SUN1: variants seen among roughly 807,000 people sequenced by gnomAD.
SUN1 encodes Sad1 and UNC84 domain containing 1.
SUN1 carries 61 observed loss-of-function variants against 103.2 expected under a neutral mutation model. That is an observed-to-expected ratio of 0.59 (90% CI 0.48 to 0.73). SUN1 has a LOEUF of 0.73. SUN1 is among the 30% of genes least tolerant of loss of function. The probability of loss-of-function intolerance (pLI) is 0.00; values close to 1 mark genes in which losing one functional copy is unlikely to be tolerated. For synonymous variants in SUN1, 490 were observed against 425.7 expected, an observed-to-expected ratio of 1.15 and a Z score of -1.86; for missense variants, 1,052 against 1,034.6, an observed-to-expected ratio of 1.02 and a Z score of -0.23.
chr7:837,108 G>A (rs557683470), intron 1 of SUN1, among the ~76,000 whole-genome samples: 1 of 152,366 alleles, frequency 6.6e-6, no homozygotes, highest in South Asian at 2.1e-4. Flanking sequence ...GTCCTGGCAG[G>A]GAGAGTGCCA....
At chr7:860,038 A>T in intron 13 of SUN1, 90 bp from the exon 14 acceptor site, 1 of 1,482,048 alleles carries the variant, frequency 6.7e-7, no homozygotes, top group South Asian at 1.3e-5. Context: ...AGGATATATA[A>T]TTCTTCTGAG....
Position 856,206 on chromosome 7 carries a change from T to C in SUN1, c.1351-152T>C. ...ATGAAGGTTACTTTGAAATGTTCAA[T>C]GAACACTTCCTACCTGCCACCCACA... is the stretch of plus-strand genomic sequence containing the variant. On this transcript the variant is annotated intron_variant, in intron 11 of 18. Transcript: ENST00000401592. The C allele has an allele frequency of 4.2e-6, 3 of 722,122 alleles. No individual in the cohort carries two copies. The East Asian group carries it at 8.2e-5, about 20-fold the overall frequency. The allele number at this position is 722,122 out of a possible 1,614,324, so 44.7% of individuals were successfully genotyped here. A position where few individuals can be genotyped will look rare whatever the true frequency, so the allele number is the denominator to read the frequency against.
intron 13 of SUN1, among the ~76,000 whole-genome samples, chr7:859,265 C>CACGAGG (rs71925786): frequency 0.023 from 3,560 of 152,242 alleles, 174 homozygotes; most frequent in East Asian, 0.19. Flanking sequence ...TCTGCAGGCC[C>CACGAGG]ACGAGGACGA....
At chr7:849,468 A>G in intron 5 of SUN1, 2 of 1,296,608 alleles carry the variant, frequency 1.5e-6, no homozygotes, top group Non-Finnish European at 2.1e-6. Context: ...TGCGAGAAGC[A>G]CTTGAGCTTG....
intron 16 of SUN1, among the ~76,000 whole-genome samples, chr7:867,974 C>G (rs1404783590): frequency 1.3e-5 from 2 of 152,228 alleles, no homozygotes. Flanking sequence ...CACCCAGCAC[C>G]CTGAGCTGGC....
chr7:850,775 A>AAAC (rs1562689066), intron 5 of SUN1: 1 of 148,518 alleles, frequency 6.7e-6, no homozygotes, highest in African/African-American at 2.5e-5. Flanking sequence ...ATTAAAAAAA[A>AAAC]AAAAAAACAA....
At chr7:849,138 A>C (rs977260759) in intron 5 of SUN1, among the ~76,000 whole-genome samples, 39 of 152,306 alleles carry the variant, frequency 2.6e-4, no homozygotes, top group African/African-American at 8.9e-4. Context: ...TTTTTACTAA[A>C]GTAGACATGG....
intron 1 of SUN1, among the ~76,000 whole-genome samples, chr7:836,461 G>C (rs1363299266): frequency 6.6e-6 from 1 of 152,232 alleles, no homozygotes; most frequent in Non-Finnish European, 1.5e-5. Flanking sequence ...GCAGCCGATG[G>C]TGTAAGTTCC....
rs750036207 is a variant in SUN1, at chr7:850,005, G to T, written c.659-1379G>T. The T allele has an allele frequency of 3.8e-6, 6 of 1,599,166 alleles. No homozygotes were observed. The Admixed American group carries it at 8.5e-5, about 23-fold the overall frequency. Reference sequence around the variant, plus strand: ...CGCCACGGCTGCCCGGTCGGGCAGGGACCCTCTGGCACATCTGGGCATGTG... The same window carrying T: ...CGCCACGGCTGCCCGGTCGGGCAGGTACCCTCTGGCACATCTGGGCATGTG... On this transcript the variant is annotated intron_variant, in intron 5 of 18. Transcript: ENST00000401592.
Position 872,701 on chromosome 7 carries a change from C to T in SUN1, c.2241+139C>T. The stretch of plus-strand genomic sequence containing the variant: ...AAATGTTAACCTGCGCTTCCTGGCT[C>T]TGCGTTAATGAGCCTTTCCATGGCT... On this transcript the variant is annotated intron_variant, in intron 18 of 18. Transcript: ENST00000401592. 4.5e-6 allele frequency: 3 copies of T among 672,144 alleles called. No individual in the cohort carries two copies. The East Asian group carries it at 8.1e-5, about 18-fold the overall frequency. 41.6% of individuals were successfully genotyped at this position (672,144 alleles called of 1,614,324 possible).
At chr7:867,475 A>G in intron 16 of SUN1, among the ~76,000 whole-genome samples, 1 of 152,164 alleles carries the variant, frequency 6.6e-6, no homozygotes, top group East Asian at 1.9e-4. Context: ...CTCCCAGAGG[A>G]GCTCACTGGC....
chr7:826,567 T>C (rs1292120767), intron 1 of SUN1, among the ~76,000 whole-genome samples: 1 of 152,194 alleles, frequency 6.6e-6, no homozygotes, highest in East Asian at 1.9e-4. Flanking sequence ...GAGGGGCCTG[T>C]GTGTCCCCCC....
At chr7:848,714 C>A in intron 5 of SUN1, 3 of 768,142 alleles carry the variant, frequency 3.9e-6, no homozygotes, top group Non-Finnish European at 1.8e-6. Context: ...TCGCTGCCTC[C>A]TCCTGTGGTC....
chr7:871,579 A>C (rs960589269), intron 17 of SUN1, among the ~76,000 whole-genome samples: 4 of 152,164 alleles, frequency 2.6e-5, no homozygotes, highest in African/African-American at 9.7e-5. Context: ...TAGTAGAGAC[A>C]GGGTTTCACC....
intron 1 of SUN1, among the ~76,000 whole-genome samples, chr7:825,062 A>ATT (rs746564288): frequency 6.9e-6 from 1 of 144,260 alleles, no homozygotes; most frequent in Non-Finnish European, 1.5e-5. Context: ...TATTACGATA[A>ATT]TTTTTTTTTT....
intron 1 of SUN1, chr7:817,044 C>T (rs1240404559): frequency 5.9e-6 from 1 of 170,058 alleles, no homozygotes. Context: ...GTTCTCAGGC[C>T]TCGGCCCGGG....
chr7:853,839 T>C (rs1432283338), intron 10 of SUN1, among the ~76,000 whole-genome samples: 1 of 152,116 alleles, frequency 6.6e-6, no homozygotes, highest in African/African-American at 2.4e-5. Flanking sequence ...CACATGGAAG[T>C]GGTGGGCGGG....
intron 5 of SUN1, among the ~76,000 whole-genome samples, chr7:844,333 C>T (rs549132283): frequency 6.6e-6 from 1 of 152,346 alleles, no homozygotes; most frequent in East Asian, 1.9e-4. Flanking sequence ...GTCCTTCGAG[C>T]TCACGTTCTG....
chr7:818,885 A>T (rs1215897887), intron 1 of SUN1, among the ~76,000 whole-genome samples: 3 of 146,858 alleles, frequency 2.0e-5, no homozygotes, highest in East Asian at 4.1e-4. Context: ...TTTTTTTGAG[A>T]CGGAGTTTCG....
Sources: gnomAD v4.1 joint callset for allele counts (sites outside exome capture counted in the v4.1 genomes callset) on GRCh38, gnomAD v4.1.1 for gene constraint, MANE v1.5 for transcripts, NCBI Gene and HGNC (gene_info 2026-07-23, HGNC 2026-07-21) for gene names.